The following SLC4A7 variants were observed in gnomAD, a reference collection of about 807,000 sequenced individuals.
SLC4A7 encodes the protein solute carrier family 4 member 7.
In SLC4A7, 51 loss-of-function variants were observed where a neutral mutation model predicts 137.6. That is an observed-to-expected ratio of 0.37 (90% CI 0.30 to 0.47). The LOEUF (loss-of-function observed/expected upper bound fraction) is 0.47. SLC4A7 is among the 20% of genes least tolerant of loss of function. The probability of loss-of-function intolerance (pLI) is 1.00; values close to 1 mark genes in which losing one functional copy is unlikely to be tolerated. For synonymous variants in SLC4A7, 542 were observed against 518.6 expected (o/e 1.05, Z -0.61); for missense variants, 1,247 against 1,525.4 (o/e 0.82, Z 3.04).
chr3:27,393,389 T>C (rs2051793435), intron 20 of SLC4A7, among the ~76,000 whole-genome samples: 1 of 152,174 alleles, frequency 6.6e-6, no homozygotes, highest in African/African-American at 2.4e-5. Flanking sequence ...TAACTATGGA[T>C]CAAATGTTGA....
intron 3 of SLC4A7, among the ~76,000 whole-genome samples, chr3:27,448,449 G>T (rs2057833304): frequency 6.6e-6 from 1 of 151,396 alleles, no homozygotes; most frequent in African/African-American, 2.4e-5. Flanking sequence ...AAGAGATCTT[G>T]ACCTATAAAG....
intron 7 of SLC4A7, among the ~76,000 whole-genome samples, chr3:27,426,253 G>T (rs555647361): frequency 6.6e-6 from 1 of 152,078 alleles, no homozygotes; most frequent in Non-Finnish European, 1.5e-5. Context: ...AAACAATTCC[G>T]AAATACAAAC....
At chr3:27,464,028 ACACGAAAATTAAC>A (rs1455745337) in intron 1 of SLC4A7, among the ~76,000 whole-genome samples, 1 of 152,076 alleles carries the variant, frequency 6.6e-6, no homozygotes, top group African/African-American at 2.4e-5. Context: ...TCTACCAAAA[ACACGAAAATTAAC>A]CAGGCGTGCC....
rs1184915326 is a variant in SLC4A7 at position 27,461,398 on chromosome 3, C to CA, written c.61-8901dup. On this transcript the variant is annotated intron_variant, in intron 1 of 25. Coordinates refer to ENST00000454389, the MANE Select transcript of SLC4A7 (RefSeq NM_001321103.2). ...TGAGTGACGAAGCGAGACACTGTCTCAAAAAAAAACAAAAACAAAACAAAA... is the reference window on the plus strand; with the variant it reads ...TGAGTGACGAAGCGAGACACTGTCTCAAAAAAAAAACAAAAACAAAACAAAA... Among the ~76,000 whole-genome samples, 155 of 147,312 alleles carry CA rather than the reference C, an allele frequency of 1.1e-3. 1 individual carries two copies. Among genetic ancestry groups the CA allele is most frequent in the African/African-American group, 3.6e-3 (146 of 40,114 alleles).
At chr3:27,406,734 A>T (rs1187489591) in intron 13 of SLC4A7, among the ~76,000 whole-genome samples, 1 of 152,154 alleles carries the variant, frequency 6.6e-6, no homozygotes, top group East Asian at 1.9e-4. Context: ...GTTCAAGAAC[A>T]ACCTGGGCAA....
At chr3:27,380,535 A>T (rs1192305927) in intron 24 of SLC4A7, among the ~76,000 whole-genome samples, 1 of 152,208 alleles carries the variant, frequency 6.6e-6, no homozygotes, top group Non-Finnish European at 1.5e-5. Flanking sequence ...AAAAAAATAC[A>T]TTCAGACAAA....
At chr3:27,389,582 T>C (rs2051320864) in intron 22 of SLC4A7, among the ~76,000 whole-genome samples, 1 of 152,172 alleles carries the variant, frequency 6.6e-6, no homozygotes, top group Admixed American at 6.5e-5. Flanking sequence ...CTGAAAAAGA[T>C]ATATCAAAGT....
intron 3 of SLC4A7, among the ~76,000 whole-genome samples, chr3:27,438,835 C>T (rs1047353661): frequency 2.0e-5 from 3 of 152,096 alleles, no homozygotes; most frequent in Non-Finnish European, 2.9e-5. Flanking sequence ...TCCAACTATA[C>T]AGAAACTGTC....
Position 27,390,130 on chromosome 3 carries a change from A to G in SLC4A7, c.3187-26T>C, listed in dbSNP as rs752648593. The G allele has an allele frequency of 4.3e-6, 6 of 1,380,682 alleles. No homozygotes were observed. The South Asian group carries it at 5.1e-5, about 12-fold the overall frequency. 85.5% of individuals were successfully genotyped at this position (1,380,682 alleles called of 1,614,324 possible). On this transcript the variant is annotated intron_variant, in intron 21 of 25. Transcript: ENST00000454389. Reference sequence around the variant, plus strand: ...CTACATATAGAATAAAAAACAAAGAAGTTTTCAATAAAATATTTCTGCTAT... The same window carrying G: ...CTACATATAGAATAAAAAACAAAGAGGTTTTCAATAAAATATTTCTGCTAT...
Position 27,398,279 on chromosome 3 carries a change from G to T in SLC4A7, c.2502C>A (p.Leu834=). ...TGAAAAACAAGATGACACACCAAAAGAGCACATCTGGAATATAAGGTCCAT... is the reference window on the plus strand; with the variant it reads ...TGAAAAACAAGATGACACACCAAAATAGCACATCTGGAATATAAGGTCCAT... ...GHHGPYIPDV[L]FWCVILFFTT... Residue 834 remains leucine (L), a synonymous_variant, in exon 17 of 26, where the codon CTC becomes CTA. Coordinates refer to ENST00000454389, the MANE Select transcript of SLC4A7 (RefSeq NM_001321103.2). 6.2e-7 allele frequency: 1 copy of T among 1,613,150 alleles called. No homozygotes were observed. Among genetic ancestry groups the T allele is most frequent in the Non-Finnish European group, 8.5e-7 (1 of 1,179,348 alleles).
At chr3:27,450,553 C>T (rs1370117754) in intron 2 of SLC4A7, among the ~76,000 whole-genome samples, 13 of 152,058 alleles carry the variant, frequency 8.5e-5, no homozygotes, top group Admixed American at 8.5e-4. Flanking sequence ...ATTCCCATCA[C>T]TGCACTGGGA....
intron 1 of SLC4A7, among the ~76,000 whole-genome samples, chr3:27,479,598 T>C (rs2059626933): frequency 6.6e-6 from 1 of 152,118 alleles, no homozygotes; most frequent in Admixed American, 6.6e-5. Context: ...TAACACTATA[T>C]CAACCAAAGA....
intron 3 of SLC4A7, among the ~76,000 whole-genome samples, chr3:27,447,989 A>T (rs2057787788): frequency 6.6e-6 from 1 of 152,072 alleles, no homozygotes; most frequent in Non-Finnish European, 1.5e-5. Flanking sequence ...AGGCAGGTGG[A>T]TCACTTGAGG....
At chr3:27,407,882 G>A (rs1326102260) in intron 13 of SLC4A7, among the ~76,000 whole-genome samples, 6 of 151,532 alleles carry the variant, frequency 4.0e-5, no homozygotes, top group Non-Finnish European at 5.9e-5. Context: ...CTATATAAAC[G>A]ATTCCCAATC....
At chr3:27,483,183 C>T (rs1400474845) in intron 1 of SLC4A7, among the ~76,000 whole-genome samples, 1 of 152,254 alleles carries the variant, frequency 6.6e-6, no homozygotes, top group Non-Finnish European at 1.5e-5. Flanking sequence ...AAAGAGACAA[C>T]TGCGGGGACG....
At chr3:27,377,396 A>G (rs2049999889) in intron 25 of SLC4A7, among the ~76,000 whole-genome samples, 1 of 152,092 alleles carries the variant, frequency 6.6e-6, no homozygotes, top group Non-Finnish European at 1.5e-5. Flanking sequence ...TGAAATATAT[A>G]TATGTTTTTT....
chr3:27,390,151 G>T, intron 21 of SLC4A7, 47 bp from the exon 22 acceptor site: 2 of 1,158,102 alleles, frequency 1.7e-6, no homozygotes, highest in Non-Finnish European at 2.5e-6. Context: ...AAATATTTCT[G>T]CTATTTAGGA....
chr3:27,456,974 T>C (rs542883561), intron 1 of SLC4A7: 3 of 978,798 alleles, frequency 3.1e-6, no homozygotes, highest in African/African-American at 3.5e-5. Flanking sequence ...AACTGAAACC[T>C]TTCTGCAATG....
At chr3:27,452,559 G>T in intron 1 of SLC4A7, 61 bp from the exon 2 acceptor site, 1 of 1,080,476 alleles carries the variant, frequency 9.3e-7, no homozygotes, top group Non-Finnish European at 1.3e-6. Context: ...CCTATTATAT[G>T]CATCCTTTGA....
Sources: allele counts gnomAD v4.1 joint callset (sites outside exome capture counted in the v4.1 genomes callset), GRCh38; gene constraint gnomAD v4.1.1; transcripts MANE v1.5; gene names NCBI Gene and HGNC (gene_info 2026-07-23, HGNC 2026-07-21).